SAMD5: variants seen among roughly 807,000 people sequenced by gnomAD.
SAMD5 encodes sterile alpha motif domain containing 5.
A neutral mutation model predicts 11.3 loss-of-function variants in SAMD5; 13 were observed. The observed-to-expected ratio is 1.15, with a 90% confidence interval of 0.75 to 1.83. The LOEUF (loss-of-function observed/expected upper bound fraction) is 1.83, where lower values mean the gene tolerates loss of function less well. Among genes scored for constraint, SAMD5 ranks in the 40% most tolerant of loss-of-function variants. SAMD5 has a pLI of 0.00. For synonymous variants in SAMD5, 129 were observed against 111.3 expected, an observed-to-expected ratio of 1.16 and a Z score of -1.00; for missense variants, 255 against 239.1, an observed-to-expected ratio of 1.07 and a Z score of -0.44.
At chr6:147,651,252 C>A (rs1790479304) in intron 1 of SAMD5, among the ~76,000 whole-genome samples, 1 of 152,190 alleles carries the variant, frequency 6.6e-6, no homozygotes, top group Admixed American at 6.5e-5. Flanking sequence ...CGATTACGGT[C>A]CAGCTCGCAT....
the SAMD5 span, among the ~76,000 whole-genome samples, chr6:147,816,188 G>T: frequency 1.6e-4 from 24 of 147,202 alleles, no homozygotes; most frequent in South Asian, 5.2e-3. Flanking sequence ...GCTGAGGCAG[G>T]ATAATCGCTT....
chr6:147,911,960 A>T, the SAMD5 span, among the ~76,000 whole-genome samples: 1 of 152,182 alleles, frequency 6.6e-6, no homozygotes, highest in African/African-American at 2.4e-5. Context: ...GCCATTCATC[A>T]TGCTACGACA....
the SAMD5 span, among the ~76,000 whole-genome samples, chr6:147,840,213 G>T: frequency 1.3e-5 from 2 of 152,172 alleles, no homozygotes; most frequent in Non-Finnish European, 2.9e-5. Context: ...TCTAGAGAAG[G>T]CTGGGAAATG....
At chr6:147,587,575 A>G (rs370632855) in intron 1 of SAMD5, among the ~76,000 whole-genome samples, 21 of 152,276 alleles carry the variant, frequency 1.4e-4, no homozygotes, top group African/African-American at 4.6e-4. Context: ...GAAAAATATC[A>G]TCTGGTATAA....
At chr6:147,937,002 A>G in the SAMD5 span, among the ~76,000 whole-genome samples, 1 of 152,112 alleles carries the variant, frequency 6.6e-6, no homozygotes, top group African/African-American at 2.4e-5. Flanking sequence ...AGAAAGATAC[A>G]TGGTGTCAAC....
chr6:147,521,030 A>G (rs1788245717), intron 1 of SAMD5, among the ~76,000 whole-genome samples: 1 of 152,132 alleles, frequency 6.6e-6, no homozygotes, highest in Non-Finnish European at 1.5e-5. Flanking sequence ...TCCCTCCTGA[A>G]AAATGATTTT....
At chr6:147,857,695 T>C in the SAMD5 span, among the ~76,000 whole-genome samples, 108 of 149,390 alleles carry the variant, frequency 7.2e-4, no homozygotes, top group Non-Finnish European at 1.1e-3. Context: ...TTCTTTTTTT[T>C]CTTTCATTTG....
intron 1 of SAMD5, among the ~76,000 whole-genome samples, chr6:147,548,857 A>C (rs1382522124): frequency 6.6e-6 from 1 of 152,042 alleles, no homozygotes; most frequent in Non-Finnish European, 1.5e-5. Flanking sequence ...TCCTCTTGAA[A>C]TCACCTTTCT....
chr6:147,583,375 C>G (rs182164195), intron 1 of SAMD5, among the ~76,000 whole-genome samples: 1 of 152,204 alleles, frequency 6.6e-6, no homozygotes, highest in Non-Finnish European at 1.5e-5. Flanking sequence ...AATGTAATTG[C>G]TAGGCCTTTG....
intron 1 of SAMD5, among the ~76,000 whole-genome samples, chr6:147,553,917 C>T (rs1331714312): frequency 3.3e-5 from 5 of 152,008 alleles, no homozygotes; most frequent in African/African-American, 4.8e-5. Context: ...GAAAACAACA[C>T]GGGTACCCTG....
chr6:147,738,830 A>G (rs552083029), downstream of SAMD5, among the ~76,000 whole-genome samples: 3 of 152,288 alleles, frequency 2.0e-5, no homozygotes, highest in Non-Finnish European at 2.9e-5. Flanking sequence ...ATTAATCTGG[A>G]TATTTATATG....
chr6:147,539,742 G>A (rs925909133), intron 1 of SAMD5, among the ~76,000 whole-genome samples: 4 of 150,908 alleles, frequency 2.7e-5, no homozygotes, highest in African/African-American at 9.7e-5. Flanking sequence ...AATTGACTGA[G>A]AAGAAAAAAC....
chr6:147,540,959 T>C (rs80291682), intron 1 of SAMD5, among the ~76,000 whole-genome samples: 3 of 112,312 alleles, frequency 2.7e-5, no homozygotes, highest in Non-Finnish European at 3.7e-5. Flanking sequence ...TTTTTTTTTT[T>C]TGAGAAGGAG....
the SAMD5 span, chr6:147,953,547 G>A: frequency 2.0e-5 from 3 of 152,140 alleles, no homozygotes; most frequent in Non-Finnish European, 2.9e-5. Flanking sequence ...TTGAAACTAT[G>A]CATTTCAAGA....
chr6:147,655,011 T>C (rs780993984), intron 1 of SAMD5, among the ~76,000 whole-genome samples: 9 of 152,160 alleles, frequency 5.9e-5, no homozygotes, highest in Admixed American at 1.3e-4. Flanking sequence ...TGTTTAGTTA[T>C]CATCATCAAG....
At chr6:147,728,738 A>G (rs898797401) in intron 1 of SAMD5, among the ~76,000 whole-genome samples, 1 of 152,246 alleles carries the variant, frequency 6.6e-6, no homozygotes, top group Non-Finnish European at 1.5e-5. Context: ...TGAAGTGTCC[A>G]GGAGTTTTTC....
the SAMD5 span, among the ~76,000 whole-genome samples, chr6:147,783,393 CG>C: frequency 1.8e-4 from 19 of 103,734 alleles, no homozygotes; most frequent in East Asian, 3.9e-3. Context: ...TTTTTTTTTG[CG>C]GGGGGTCGGG....
intron 1 of SAMD5, among the ~76,000 whole-genome samples, chr6:147,610,655 G>A (rs1789769719): frequency 6.6e-6 from 1 of 152,154 alleles, no homozygotes; most frequent in Admixed American, 6.5e-5. Context: ...TGTTTCAGGA[G>A]CATCCTGATT....
intron 1 of SAMD5, among the ~76,000 whole-genome samples, chr6:147,728,533 G>T (rs1170921068): frequency 6.6e-6 from 1 of 152,204 alleles, no homozygotes; most frequent in Admixed American, 6.5e-5. Flanking sequence ...TCAAGCCTCT[G>T]GATCCCATTG....
Sources: gnomAD v4.1 joint callset for allele counts (sites outside exome capture counted in the v4.1 genomes callset) on GRCh38, gnomAD v4.1.1 for gene constraint, MANE v1.5 for transcripts, NCBI Gene and HGNC (gene_info 2026-07-23, HGNC 2026-07-21) for gene names.